MYO3B: variants seen among roughly 807,000 people sequenced by gnomAD.
MYO3B encodes the protein myosin IIIB, also known as myosin-IIIb.
In MYO3B, 156 loss-of-function variants were observed where a neutral mutation model predicts 174.6. The ratio of observed to expected loss-of-function variants is 0.89; its 90% CI spans 0.78 to 1.02. The LOEUF is 1.02. MYO3B is among the 50% of genes least tolerant of loss of function. MYO3B has a pLI of 0.00. For synonymous variants in MYO3B, 563 were observed against 569.1 expected (o/e 0.99, Z 0.15); for missense variants, 1,632 against 1,639.4 (o/e 1.00, Z 0.08).
chr2:170,250,452 G>A (rs1005441063), intron 7 of MYO3B, among the ~76,000 whole-genome samples: 5 of 152,308 alleles, frequency 3.3e-5, no homozygotes, highest in East Asian at 1.9e-4. Context: ...ATCACAGGAC[G>A]TGACAGGGGT....
chr2:170,482,709 G>T (rs1293066377), intron 25 of MYO3B, among the ~76,000 whole-genome samples: 1 of 152,340 alleles, frequency 6.6e-6, no homozygotes, highest in South Asian at 2.1e-4. Flanking sequence ...CTAAGAGATG[G>T]CTTGATCCAA....
chr2:170,197,374 T>C (rs2092612658), intron 1 of MYO3B, among the ~76,000 whole-genome samples: 6 of 152,312 alleles, frequency 3.9e-5, no homozygotes, highest in Admixed American at 2.0e-4. Flanking sequence ...TTACAGGGAA[T>C]GTTGCTGAGA....
intron 32 of MYO3B, among the ~76,000 whole-genome samples, chr2:170,649,343 T>C (rs1357529071): frequency 2.0e-5 from 1 of 49,342 alleles, no homozygotes; most frequent in Non-Finnish European, 3.3e-5. Flanking sequence ...ATATTATATA[T>C]AAAATAATAT....
chr2:170,242,590 A>G lies in MYO3B; in HGVS notation c.749+6454A>G, dbSNP rs140490570. 2.1e-3 allele frequency among the ~76,000 whole-genome samples: 321 copies of G among 152,080 alleles called. 2 individuals are homozygous for G. The highest frequency in any genetic ancestry group is 2.5e-3 in the Admixed American group (38 of 15,278). Reference sequence around the variant, plus strand: ...TGCCTGAGTCCTGGCAGGCAGGGAGAATTTAGCTTTGCAAGGTTTCATTTG... The same window carrying G: ...TGCCTGAGTCCTGGCAGGCAGGGAGGATTTAGCTTTGCAAGGTTTCATTTG... On this transcript the variant is annotated intron_variant, in intron 7 of 34. Coordinates refer to ENST00000408978, the MANE Select transcript of MYO3B (RefSeq NM_138995.5).
At chr2:170,231,676 A>G (rs576849706) in intron 6 of MYO3B, among the ~76,000 whole-genome samples, 5 of 152,372 alleles carry the variant, frequency 3.3e-5, no homozygotes, top group South Asian at 2.1e-4. Flanking sequence ...AGCAACCAGC[A>G]TATTTTCATA....
At chr2:170,607,752 A>G (rs1195832027) in intron 32 of MYO3B, among the ~76,000 whole-genome samples, 1 of 152,248 alleles carries the variant, frequency 6.6e-6, no homozygotes, top group Non-Finnish European at 1.5e-5. Flanking sequence ...CATTTAGCCT[A>G]TTCATAAATG....
At chr2:170,562,633 A>G (rs1691788107) in intron 32 of MYO3B, among the ~76,000 whole-genome samples, 1 of 152,212 alleles carries the variant, frequency 6.6e-6, no homozygotes, top group African/African-American at 2.4e-5. Flanking sequence ...TGATTCTGTA[A>G]TGTGAAGATA....
At chr2:170,632,503 A>C (rs902165681) in intron 32 of MYO3B, among the ~76,000 whole-genome samples, 8 of 152,236 alleles carry the variant, frequency 5.3e-5, no homozygotes, top group African/African-American at 1.9e-4. Context: ...ACTTACTTAT[A>C]GCACTAAATG....
At chr2:170,359,411 C>T (rs1010079867) in intron 8 of MYO3B, among the ~76,000 whole-genome samples, 2 of 152,146 alleles carry the variant, frequency 1.3e-5, no homozygotes, top group Non-Finnish European at 2.9e-5. Context: ...CTCTAATCTA[C>T]TCTCTAATGT....
chr2:170,243,016 G>A (rs767294188), intron 7 of MYO3B, among the ~76,000 whole-genome samples: 1 of 152,160 alleles, frequency 6.6e-6, no homozygotes, highest in Non-Finnish European at 1.5e-5. Flanking sequence ...CTAAAGGAAG[G>A]TTCTTCACAG....
intron 7 of MYO3B, among the ~76,000 whole-genome samples, chr2:170,312,507 G>C (rs949400510): frequency 1.6e-4 from 24 of 152,248 alleles, no homozygotes; most frequent in South Asian, 2.1e-4. Context: ...GCCTAGGCAA[G>C]GGTTCTGACC....
chr2:170,216,569 A>G (rs934788016), intron 5 of MYO3B, among the ~76,000 whole-genome samples: 2 of 152,218 alleles, frequency 1.3e-5, no homozygotes, highest in African/African-American at 4.8e-5. Context: ...TTGGAGTTAC[A>G]TTAGAATTCA....
At chr2:170,211,992 C>T (rs1249658838) in intron 3 of MYO3B, among the ~76,000 whole-genome samples, 1 of 151,452 alleles carries the variant, frequency 6.6e-6, no homozygotes, top group Non-Finnish European at 1.5e-5. Context: ...GCCTGTAATC[C>T]CAGCACCTTG....
At position 170,314,259 on chromosome 2, in the gene MYO3B, A is replaced by AAT. The variant is rs563830553; in HGVS notation, c.750-21124_750-21123dup. ...TGCCTATTTTCCTGTATGAGGGCAA[A>AAT]ATAGGCTCCGTTTCATTAATTCATG... On this transcript the variant is annotated intron_variant, in intron 7 of 34. Transcript: ENST00000408978. 4.5e-4 allele frequency among the ~76,000 whole-genome samples: 69 copies of AAT among 152,250 alleles called. 2 individuals are homozygous for AAT. In the South Asian group the frequency reaches 0.014, roughly 31 times the overall value.
At chr2:170,379,323 T>C (rs1239339849) in intron 9 of MYO3B, among the ~76,000 whole-genome samples, 1 of 151,856 alleles carries the variant, frequency 6.6e-6, no homozygotes, top group Non-Finnish European at 1.5e-5. Flanking sequence ...GCCTCCTGAG[T>C]AGCTGGGGCT....
intron 22 of MYO3B, among the ~76,000 whole-genome samples, chr2:170,427,897 A>G (rs2094677806): frequency 6.6e-6 from 1 of 152,220 alleles, no homozygotes; most frequent in African/African-American, 2.4e-5. Context: ...TATTGCCTTC[A>G]CATTAGCACC....
rs192351312 is a variant in MYO3B, at chr2:170,584,744, G to C, written c.3733+40756G>C. 3.0e-4 allele frequency among the ~76,000 whole-genome samples: 46 copies of C among 152,376 alleles called. 1 individual carries two copies. In the East Asian group the frequency reaches 3.7e-3, roughly 12 times the overall value. On this transcript the variant is annotated intron_variant, in intron 32 of 34. Transcript: ENST00000408978. ...CAAAGGGAGAAGGCAATAAGCTTAA[G>C]TTAAAAGGCAACTTAGAATTTCCAA... is the stretch of plus-strand genomic sequence containing the variant.
intron 30 of MYO3B, chr2:170,524,718 C>T (rs1225314566): frequency 3.2e-6 from 1 of 314,180 alleles, no homozygotes; most frequent in Non-Finnish European, 6.2e-6. Context: ...TCCTGACGTT[C>T]TAGCGATTCG....
chr2:170,627,154 C>A (rs994536820), intron 32 of MYO3B, among the ~76,000 whole-genome samples: 8 of 152,190 alleles, frequency 5.3e-5, no homozygotes, highest in Non-Finnish European at 1.2e-4. Flanking sequence ...GGTTTTCCAG[C>A]TTGGTTCCAT....
Sources: gnomAD v4.1 joint callset for allele counts (sites outside exome capture counted in the v4.1 genomes callset) on GRCh38, gnomAD v4.1.1 for gene constraint, MANE v1.5 for transcripts, NCBI Gene and HGNC (gene_info 2026-07-23, HGNC 2026-07-21) for gene names.